The following C1orf198 variants were observed in gnomAD, a reference collection of about 807,000 sequenced individuals.
C1orf198 encodes chromosome 1 open reading frame 198, also known as uncharacterized protein C1orf198.
In C1orf198, 17 loss-of-function variants were observed where a neutral mutation model predicts 31.4. That is an observed-to-expected ratio of 0.54 (90% confidence interval 0.37 to 0.81). The LOEUF (loss-of-function observed/expected upper bound fraction) is 0.81, where lower values mean the gene tolerates loss of function less well. Ranked by LOEUF, C1orf198 falls within the 40% of genes least tolerant of loss-of-function variation. The pLI, the probability that C1orf198 is intolerant of heterozygous loss-of-function variation, is 0.00. For synonymous variants in C1orf198, 175 were observed against 193.8 expected, an observed-to-expected ratio of 0.90 and a Z score of 0.81; for missense variants, 401 against 450.3, an observed-to-expected ratio of 0.89 and a Z score of 0.99.
At chr1:230,850,342 C>T (rs1202560) in intron 2 of C1orf198, among the ~76,000 whole-genome samples, 38,463 of 152,234 alleles carry the variant, frequency 0.25, 5,498 homozygotes, top group Middle Eastern at 0.44. Flanking sequence ...GAGGATTACA[C>T]TCTGCAATGC....
intron 3 of C1orf198, among the ~76,000 whole-genome samples, chr1:230,841,696 C>T (rs1233998443): frequency 6.6e-6 from 1 of 152,214 alleles, no homozygotes; most frequent in Non-Finnish European, 1.5e-5. Flanking sequence ...TAAAATGACG[C>T]AGCTGCTGTG....
At chr1:230,841,763 C>A (rs1182175242) in intron 3 of C1orf198, among the ~76,000 whole-genome samples, 1 of 152,210 alleles carries the variant, frequency 6.6e-6, no homozygotes, top group South Asian at 2.1e-4. Flanking sequence ...TGTGATCCAG[C>A]AATTCTACAT....
At chr1:230,850,798 C>T (rs1202562) in intron 2 of C1orf198, among the ~76,000 whole-genome samples, 38,338 of 151,666 alleles carry the variant, frequency 0.25, 5,478 homozygotes, top group Middle Eastern at 0.44. Flanking sequence ...TCAGAAGCCC[C>T]GTGACTGGTA....
At position 230,856,459 on chromosome 1, in the gene C1orf198, G is replaced by A. The variant is rs974698002; in HGVS notation, c.334-741C>T. Among the ~76,000 whole-genome samples, 12 of 152,236 alleles carry A rather than the reference G, an allele frequency of 7.9e-5. 1 individual carries two copies. The South Asian group carries it at 2.1e-3, about 26-fold the overall frequency. On this transcript the variant is annotated intron_variant, in intron 1 of 3. Transcript: ENST00000366663. ...TCACTGGCCTGCACAAATGACTTGG[G>A]GAAGCCACCTTTCCTTATATCCCAC...
rs987213361 is a variant in C1orf198, at chr1:230,838,259, C to A, written c.*1593G>T. 6.6e-6 allele frequency: 1 copy of A among 152,124 alleles called. No homozygotes were observed. The highest frequency in any genetic ancestry group is 6.5e-5 in the Admixed American group (1 of 15,274). 9.4% of individuals were successfully genotyped at this position (152,124 alleles called of 1,614,324 possible). ...ATATATCAACTATACTTAAATGGTA[C>A]AGAAAGAACCAATATTTGAAAAGTT... On this transcript the variant is annotated 3_prime_UTR_variant, in exon 4 of 4. Coordinates refer to ENST00000366663, the MANE Select transcript of C1orf198 (RefSeq NM_032800.3). The surrounding 1 kb of genome is among the most constrained non-coding windows in gnomAD (Gnocchi z 4.2).
At chr1:230,847,513 T>C (rs750506565) in intron 2 of C1orf198, among the ~76,000 whole-genome samples, 23 of 152,288 alleles carry the variant, frequency 1.5e-4, no homozygotes, top group Non-Finnish European at 3.2e-4. Flanking sequence ...TGAGAGATTC[T>C]AAGCCTGAAT....
At chr1:230,855,635 A>G (rs769859720) in intron 2 of C1orf198, 33 bp downstream of exon 2, 12 of 1,599,906 alleles carry the variant, frequency 7.5e-6, no homozygotes, top group Non-Finnish European at 1.0e-5. Context: ...TCTTTTTAAA[A>G]GAACAAATAG....
At chr1:230,856,085 A>G (rs1669862773) in intron 1 of C1orf198, 1 of 752,158 alleles carries the variant, frequency 1.3e-6, no homozygotes, top group South Asian at 6.3e-5. Flanking sequence ...GGCCATGGGA[A>G]GATGACTCAG....
At chr1:230,850,080 C>A (rs912815021) in intron 2 of C1orf198, among the ~76,000 whole-genome samples, 1 of 152,194 alleles carries the variant, frequency 6.6e-6, no homozygotes, top group East Asian at 1.9e-4. Context: ...CCAGGGTTGT[C>A]AAGGTTAAGG....
At chr1:230,856,942 C>G (rs913905960) in intron 1 of C1orf198, among the ~76,000 whole-genome samples, 1 of 152,168 alleles carries the variant, frequency 6.6e-6, no homozygotes, top group African/African-American at 2.4e-5. Flanking sequence ...GCCCACAGAC[C>G]CTCTTCTTTC....
rs1187789649 is a variant in C1orf198 at position 230,857,045 on chromosome 1, T to A, written c.334-1327A>T. ...GCAGGGGGAGTGCCTCACCAACACATAAGTGTACACATTCAGCCTTCCAGA... is the reference window on the plus strand; with the variant it reads ...GCAGGGGGAGTGCCTCACCAACACAAAAGTGTACACATTCAGCCTTCCAGA... On this transcript the variant is annotated intron_variant, in intron 1 of 3. Transcript: ENST00000366663. The surrounding 1 kb of genome is among the most constrained non-coding windows in gnomAD (Gnocchi z 4.2). 6.6e-6 allele frequency among the ~76,000 whole-genome samples: 1 copy of A among 152,078 alleles called. No individual in the cohort carries two copies. The highest frequency in any genetic ancestry group is 2.4e-5 in the African/African-American group (1 of 41,416).
In C1orf198 at chr1:230,860,550, T is replaced by G. The variant is rs113175062; in HGVS notation, c.334-4832A>C. Among the ~76,000 whole-genome samples the G allele has an allele frequency of 2.9e-3, 437 of 152,364 alleles. 2 individuals carry two copies. The highest frequency in any genetic ancestry group is 0.01 in the African/African-American group (421 of 41,588). On this transcript the variant is annotated intron_variant, in intron 1 of 3. Coordinates refer to ENST00000366663, the MANE Select transcript of C1orf198 (RefSeq NM_032800.3). ...GTCTTAAAAAGGAAGGAAATTCTGA[T>G]ACATGCTTCAACATGGATGAACCTT...
chr1:230,868,553 C>A (rs1315208749), upstream of C1orf198: 1 of 1,212,926 alleles, frequency 8.2e-7, no homozygotes, highest in Non-Finnish European at 1.0e-6. Flanking sequence ...CCCCGCCCCT[C>A]GCTGTGCCCG....
intron 1 of C1orf198, among the ~76,000 whole-genome samples, chr1:230,866,376 CA>C (rs1156708112): frequency 6.6e-6 from 1 of 152,168 alleles, no homozygotes; most frequent in Non-Finnish European, 1.5e-5. Flanking sequence ...GCTGGTTTTG[CA>C]AAGCTGAGAT....
chr1:230,841,002 G>A (rs1232173645), intron 3 of C1orf198, among the ~76,000 whole-genome samples: 1 of 152,170 alleles, frequency 6.6e-6, no homozygotes, highest in Non-Finnish European at 1.5e-5. Flanking sequence ...ACTCTCCACT[G>A]CCCACACAGA....
Position 230,857,855 on chromosome 1 carries a change from T to C in C1orf198, c.334-2137A>G, listed in dbSNP as rs1219719192. ...CAAACAGTCAGTTCTGAGAACCACATAGTGTGTGCAACTAATGACCATGTG... is the reference window on the plus strand; with the variant it reads ...CAAACAGTCAGTTCTGAGAACCACACAGTGTGTGCAACTAATGACCATGTG... On this transcript the variant is annotated intron_variant, in intron 1 of 3. Transcript: ENST00000366663. This position sits in a 1 kb window ranked among gnomAD's most constrained non-coding sequence, Gnocchi z 4.2. Among the ~76,000 whole-genome samples the C allele has an allele frequency of 2.0e-5, 3 of 152,186 alleles. No individual in the cohort carries two copies. The highest frequency in any genetic ancestry group is 4.4e-5 in the Non-Finnish European group (3 of 68,038).
Position 230,861,040 on chromosome 1 carries a change from A to G in C1orf198, c.334-5322T>C, listed in dbSNP as rs565498987. Reference sequence around the variant, plus strand: ...AAAAGGCAAAACTACAGAGACAGTAAAAAGATCAGTGGCTGCCAGAGCCTG... The same window carrying G: ...AAAAGGCAAAACTACAGAGACAGTAGAAAGATCAGTGGCTGCCAGAGCCTG... On this transcript the variant is annotated intron_variant, in intron 1 of 3. Transcript: ENST00000366663. Among the ~76,000 whole-genome samples, 11 of 152,322 alleles carry G rather than the reference A, an allele frequency of 7.2e-5. No individual in the cohort carries two copies. In the South Asian group the frequency reaches 2.3e-3, roughly 32 times the overall value.
chr1:230,848,259 A>G (rs1372845864), intron 2 of C1orf198, among the ~76,000 whole-genome samples: 1 of 152,236 alleles, frequency 6.6e-6, no homozygotes, highest in Admixed American at 6.5e-5. Flanking sequence ...TTAACAAAGA[A>G]AAAAGTTCTA....
At chr1:230,853,258 G>A (rs1180043950) in intron 2 of C1orf198, among the ~76,000 whole-genome samples, 1 of 152,176 alleles carries the variant, frequency 6.6e-6, no homozygotes, top group Non-Finnish European at 1.5e-5. Context: ...AACTGATAGA[G>A]TGAGGAAGGC....
Sources: allele counts gnomAD v4.1 joint callset (sites outside exome capture counted in the v4.1 genomes callset), GRCh38; gene constraint gnomAD v4.1.1; non-coding constraint Gnocchi (gnomAD v3.1); transcripts MANE v1.5; gene names NCBI Gene and HGNC (gene_info 2026-07-23, HGNC 2026-07-21).